The following RPL18 variants were observed in gnomAD, a reference collection of about 807,000 sequenced individuals.
RPL18 encodes the protein ribosomal protein L18.
RPL18 carries 4 observed loss-of-function variants against 25.0 expected under a neutral mutation model. That is an observed-to-expected ratio of 0.16 (90% confidence interval 0.08 to 0.37). The LOEUF (loss-of-function observed/expected upper bound fraction) is 0.37, where lower values mean the gene tolerates loss of function less well. Among genes scored for constraint, RPL18 ranks in the 10% least tolerant of loss-of-function variants. The pLI is 1.00. For synonymous variants in RPL18, 129 were observed against 101.6 expected (o/e 1.27, Z -1.62); for missense variants, 179 against 267.9 (o/e 0.67, Z 2.32).
intron 6 of RPL18, 138 bp downstream of exon 6, chr19:48,615,739 C>A: frequency 2.6e-6 from 2 of 766,326 alleles, no homozygotes; most frequent in East Asian, 2.7e-5. Context: ...GAAAAGCAGG[C>A]AGGATGAGGC....
rs773383831 is a variant in RPL18 at position 48,617,777 on chromosome 19, G to C, written c.90+14C>G. The C allele has an allele frequency of 1.2e-6, 2 of 1,609,688 alleles. No homozygotes were observed. The highest frequency in any genetic ancestry group is 2.2e-5 in the South Asian group (2 of 90,972). ...GGGGTGACCCTTCCCAAAGACCTCA[G>C]GGCCCAGCCTCACCTTGACCAACAG... On this transcript the variant is annotated intron_variant, in intron 2 of 6. Transcript: ENST00000549920.
At chr19:48,617,611 T>TC (rs1334274155) in intron 2 of RPL18, 180 bp downstream of exon 2, 5 of 682,806 alleles carry the variant, frequency 7.3e-6, no homozygotes, top group Non-Finnish European at 1.0e-5. Flanking sequence ...CTGGCTCCAC[T>TC]CCCGAGCTGT....
chr19:48,619,052 C>T, intron 1 of RPL18, 89 bp downstream of exon 1: 1 of 1,405,978 alleles, frequency 7.1e-7, no homozygotes, highest in Non-Finnish European at 9.9e-7. Context: ...AGCCGCAGAC[C>T]CCCTGCCGCC....
Position 48,615,872 on chromosome 19 carries a change from C to A in RPL18, c.491+5G>T, listed in dbSNP as rs1244927404. ...AGAGGGCAGGGCTGGGGGCCTGATA[C>A]TCACTTGGTGTGGCTGTGCGGGGTT... On this transcript the variant is annotated splice_donor_5th_base_variant and intron_variant, in intron 6 of 6. Transcript: ENST00000549920. 2.5e-6 allele frequency: 4 copies of A among 1,608,124 alleles called. No homozygotes were observed. Among genetic ancestry groups the A allele is most frequent in the Non-Finnish European group, 8.5e-7 (1 of 1,177,360 alleles).
chr19:48,615,994 G>A, intron 5 of RPL18, 48 bp from the exon 6 acceptor site: 1 of 1,613,422 alleles, frequency 6.2e-7, no homozygotes. Context: ...CTGGCGCCCA[G>A]CTTCTGGCCT....
At chr19:48,615,801 G>A in intron 6 of RPL18, 76 bp downstream of exon 6, 1 of 1,321,136 alleles carries the variant, frequency 7.6e-7, no homozygotes, top group South Asian at 1.2e-5. Context: ...GATAGGAGAA[G>A]CAGCCCAAGT....
rs771507112 is a variant in RPL18, at chr19:48,617,125, G to A, written c.198+191C>T. ...CCACCTCACAAAGAGAAGGAGAGGA[G>A]GACCAGGAGACTTGCCCACTGCCCA... On this transcript the variant is annotated intron_variant, in intron 3 of 6. Coordinates refer to ENST00000549920, the MANE Select transcript of RPL18 (RefSeq NM_000979.4). 53 of 717,534 alleles carry A rather than the reference G, an allele frequency of 7.4e-5. No individual in the cohort carries two copies. The East Asian group carries it at 1.3e-3, about 18-fold the overall frequency. 44.4% of individuals were successfully genotyped at this position (717,534 alleles called of 1,614,324 possible). A position where few individuals can be genotyped will look rare whatever the true frequency, so the allele number is the denominator to read the frequency against.
chr19:48,615,468 G>T, intron 6 of RPL18, 21 bp from the exon 7 acceptor site: 1 of 1,596,588 alleles, frequency 6.3e-7, no homozygotes, highest in South Asian at 1.1e-5. Context: ...AGGAGGGAGT[G>T]AGAGGGGGGC....
Position 48,617,517 on chromosome 19 carries a change from T to G in RPL18, c.91-94A>C, listed in dbSNP as rs430989. The G allele has an allele frequency of 0.35, 336,000 of 969,710 alleles. 68,482 individuals carry two copies. The highest frequency in any genetic ancestry group is 0.73 in the East Asian group (30,470 of 41,808). 60.1% of individuals were successfully genotyped at this position (969,710 alleles called of 1,614,324 possible). A position where few individuals can be genotyped will look rare whatever the true frequency, so the allele number is the denominator to read the frequency against. On this transcript the variant is annotated intron_variant, in intron 2 of 6. Transcript: ENST00000549920. ...AAACACATGATGATCTGGACTAAAA[T>G]AATCTTTATCCCTTTCCCCCAACCC...
chr19:48,617,749 C>T (rs377242809), intron 2 of RPL18, 42 bp downstream of exon 2: 10 of 1,500,608 alleles, frequency 6.7e-6, no homozygotes, highest in Non-Finnish European at 9.3e-6. Context: ...GCAAGTCAGA[C>T]CTGGGGTGAC....
intron 2 of RPL18, 104 bp downstream of exon 2, chr19:48,617,687 G>A: frequency 1.1e-6 from 1 of 874,286 alleles, no homozygotes; most frequent in Non-Finnish European, 1.9e-6. Flanking sequence ...ACCCGAGACT[G>A]CTCTGCAGGC....
At chr19:48,615,689 C>T in intron 6 of RPL18, 188 bp downstream of exon 6, 1 of 663,386 alleles carries the variant, frequency 1.5e-6, no homozygotes, top group South Asian at 1.8e-5. Context: ...GAGATGCCTG[C>T]TCAGGCCCTG....
At position 48,616,940 on chromosome 19, in the gene RPL18, A is replaced by G. The variant is rs576344076; in HGVS notation, c.199-116T>C. Reference sequence around the variant, plus strand: ...TCTAACGGGACCCCCCACTCACACCACACCCCTTAAACCCCACAGGCCTCT... The same window carrying G: ...TCTAACGGGACCCCCCACTCACACCGCACCCCTTAAACCCCACAGGCCTCT... On this transcript the variant is annotated intron_variant, in intron 3 of 6. Transcript: ENST00000549920. 63 of 772,106 alleles carry G rather than the reference A, an allele frequency of 8.2e-5. No homozygotes were observed. In the East Asian group the frequency reaches 1.4e-3, roughly 17 times the overall value. 47.8% of individuals were successfully genotyped at this position (772,106 alleles called of 1,614,324 possible).
intron 4 of RPL18, chr19:48,616,438 G>A (rs1974173787): frequency 3.1e-6 from 2 of 653,780 alleles, no homozygotes; most frequent in Non-Finnish European, 5.4e-6. Flanking sequence ...AAAAAGACCT[G>A]TGCAGAGGTG....
intron 2 of RPL18, 153 bp downstream of exon 2, chr19:48,617,638 G>T: frequency 1.4e-6 from 1 of 701,962 alleles, no homozygotes; most frequent in Non-Finnish European, 2.4e-6. Flanking sequence ...CCTAGAGGCT[G>T]AAAATACAAA....
At chr19:48,616,947 T>C (rs747072102) in intron 3 of RPL18, 123 bp from the exon 4 acceptor site, 2 of 754,052 alleles carry the variant, frequency 2.7e-6, no homozygotes, top group South Asian at 2.8e-5. Context: ...ACCACACCCC[T>C]TAAACCCCAC....
Position 48,615,835 on chromosome 19 carries a change from C to A in RPL18, c.491+42G>T, listed in dbSNP as rs1490587572. 5.1e-6 allele frequency: 8 copies of A among 1,553,456 alleles called. No individual in the cohort carries two copies. The East Asian group carries it at 1.6e-4, about 32-fold the overall frequency. On this transcript the variant is annotated intron_variant, in intron 6 of 6. Coordinates refer to ENST00000549920, the MANE Select transcript of RPL18 (RefSeq NM_000979.4). ...GTGTGGCCAGGCCTGGCCCTGCAGG[C>A]TGAGTCTGGGGAGAGGGCAGGGCTG...
intron 6 of RPL18, 105 bp from the exon 7 acceptor site, chr19:48,615,552 A>C: frequency 2.2e-6 from 2 of 918,132 alleles, no homozygotes; most frequent in Non-Finnish European, 3.4e-6. Context: ...AGGAGAGTCA[A>C]TGCTGCTGGA....
intron 2 of RPL18, 25 bp from the exon 3 acceptor site, chr19:48,617,448 A>C: frequency 2.6e-6 from 4 of 1,547,270 alleles, no homozygotes; most frequent in Non-Finnish European, 3.6e-6. Flanking sequence ...AGACAGTGAG[A>C]AGCTGGGACA....
Sources: gnomAD v4.1 joint callset for allele counts on GRCh38, gnomAD v4.1.1 for gene constraint, MANE v1.5 for transcripts, NCBI Gene and HGNC (gene_info 2026-07-23, HGNC 2026-07-21) for gene names.